Variants in LRRC53 observed in about 807,000 individuals in gnomAD.
LRRC53 encodes leucine-rich repeat-containing protein 53.
A neutral mutation model predicts 13.6 loss-of-function variants in LRRC53; 25 were observed. The observed-to-expected ratio is 1.83, with a 90% confidence interval of 1.34 to 2.56. The LOEUF is 2.56. Ranked by LOEUF, LRRC53 falls within the 30% of genes most tolerant of loss-of-function variation. The probability of loss-of-function intolerance (pLI) is 0.00; values close to 1 mark genes in which losing one functional copy is unlikely to be tolerated. For missense variants in LRRC53, 527 were observed against 275.8 expected, an observed-to-expected ratio of 1.91 and a Z score of -6.45; for synonymous variants, 204 against 109.8, an observed-to-expected ratio of 1.86 and a Z score of -5.37.
At chr1:74,494,887 G>T (rs1050342529) in intron 1 of LRRC53, among the ~76,000 whole-genome samples, 4 of 152,180 alleles carry the variant, frequency 2.6e-5, no homozygotes, top group Non-Finnish European at 5.9e-5. Context: ...GTCCAAAAAT[G>T]TAGGCAAGTC....
At chr1:74,481,044 A>G (rs1668476614) in intron 2 of LRRC53, 76 bp from the exon 3 acceptor site, 2 of 625,820 alleles carry the variant, frequency 3.2e-6, no homozygotes, top group Admixed American at 2.7e-5. Context: ...AGAGCAGAGA[A>G]TCAATATCCT....
chr1:74,470,460 A>G lies in LRRC53; in HGVS notation c.3162T>C (p.Ser1054=), dbSNP rs1258243888. Residue 1054 remains serine, a synonymous_variant, in exon 5 of 5, where the codon AGT becomes AGC. Coordinates refer to ENST00000294635, the MANE Select transcript of LRRC53 (RefSeq NM_001382280.1). ...TTGTGCTGTCAATTCCTTTTTCGCTACTATTGGTTAGGTGCCAAACGGCTT... is the reference window on the plus strand; with the variant it reads ...TTGTGCTGTCAATTCCTTTTTCGCTGCTATTGGTTAGGTGCCAAACGGCTT... ...SSQAVWHLTN[S]SEKGIDSTNA... 1.2e-5 allele frequency: 5 copies of G among 400,486 alleles called. No individual in the cohort carries two copies. The highest frequency in any genetic ancestry group is 4.1e-5 in the African/African-American group (2 of 48,642). The allele number at this position is 400,486 out of a possible 1,614,324, so 24.8% of individuals were successfully genotyped here. A position where few individuals can be genotyped will look rare whatever the true frequency, so the allele number is the denominator to read the frequency against.
At chr1:74,492,684 T>G (rs1441408848) in intron 1 of LRRC53, among the ~76,000 whole-genome samples, 2 of 152,106 alleles carry the variant, frequency 1.3e-5, no homozygotes, top group Non-Finnish European at 2.9e-5. Context: ...ACCCTAAAAT[T>G]GGAAATAGGT....
At chr1:74,528,691 C>A in the LRRC53 span, among the ~76,000 whole-genome samples, 1 of 152,216 alleles carries the variant, frequency 6.6e-6, no homozygotes, top group Non-Finnish European at 1.5e-5. Context: ...TATGCTTTGA[C>A]AGAGCAAAGT....
At chr1:74,493,120 T>C (rs1331476739) in intron 1 of LRRC53, among the ~76,000 whole-genome samples, 2 of 152,086 alleles carry the variant, frequency 1.3e-5, no homozygotes, top group Admixed American at 1.3e-4. Flanking sequence ...TTTCAACATA[T>C]GAATTTGAGG....
chr1:74,478,361 T>C (rs935151239), intron 3 of LRRC53, among the ~76,000 whole-genome samples: 2 of 152,216 alleles, frequency 1.3e-5, no homozygotes, highest in Non-Finnish European at 2.9e-5. Context: ...AAGCTCCCAG[T>C]CATTTTGACA....
At chr1:74,498,602 T>A (rs1669454574) in intron 1 of LRRC53, among the ~76,000 whole-genome samples, 1 of 152,210 alleles carries the variant, frequency 6.6e-6, no homozygotes, top group Admixed American at 6.5e-5. Context: ...GCTTTGTATT[T>A]CTGCAATTTA....
At position 74,492,524 on chromosome 1, in the gene LRRC53, G is replaced by A. The variant is rs1669133971; in HGVS notation, c.-26-9149C>T. On this transcript the variant is annotated intron_variant, in intron 1 of 4. Coordinates refer to ENST00000294635, the MANE Select transcript of LRRC53 (RefSeq NM_001382280.1). Reference sequence around the variant, plus strand: ...ACGTCTATTTCAGAGCAACAAAAGGGATTTATTAAAAGTATTCTGAAGCTA... The same window carrying A: ...ACGTCTATTTCAGAGCAACAAAAGGAATTTATTAAAAGTATTCTGAAGCTA... Among the ~76,000 whole-genome samples, 2 of 152,122 alleles carry A rather than the reference G, an allele frequency of 1.3e-5. 1 individual carries two copies. The highest frequency in any genetic ancestry group is 4.1e-4 in the South Asian group (2 of 4,826).
intron 1 of LRRC53, among the ~76,000 whole-genome samples, chr1:74,488,882 C>A (rs1271944561): frequency 1.3e-5 from 2 of 152,072 alleles, no homozygotes; most frequent in Non-Finnish European, 2.9e-5. Flanking sequence ...CACTATTATT[C>A]TTTCATTTTG....
upstream of LRRC53, among the ~76,000 whole-genome samples, chr1:74,517,382 G>A (rs191010957): frequency 1.4e-4 from 22 of 152,150 alleles, no homozygotes; most frequent in Admixed American, 7.9e-4. Context: ...AAATTTTCTG[G>A]CATTAGCTCC....
chr1:74,523,355 A>G, the LRRC53 span, among the ~76,000 whole-genome samples: 88 of 152,322 alleles, frequency 5.8e-4, no homozygotes, highest in African/African-American at 1.8e-3. Flanking sequence ...GTGTTTTTCT[A>G]TACACATATC....
rs554795337 is a variant in LRRC53, at chr1:74,490,503, C to T, written c.-26-7128G>A. 2.0e-5 allele frequency among the ~76,000 whole-genome samples: 3 copies of T among 152,302 alleles called. No homozygotes were observed. In the South Asian group the frequency reaches 6.2e-4, roughly 32 times the overall value. ...GGATCTACAAACATGATAGGATCTA[C>T]TAAACTAGCTTGTCTTATTGTAATA... is the stretch of plus-strand genomic sequence containing the variant. On this transcript the variant is annotated intron_variant, in intron 1 of 4. Coordinates refer to ENST00000294635, the MANE Select transcript of LRRC53 (RefSeq NM_001382280.1).
the LRRC53 span, among the ~76,000 whole-genome samples, chr1:74,524,265 C>A: frequency 4.6e-5 from 7 of 152,342 alleles, no homozygotes; most frequent in East Asian, 1.2e-3. Flanking sequence ...ACAGCCTGAT[C>A]TCTGCCCCAT....
At chr1:74,491,998 T>C (rs1669101852) in intron 1 of LRRC53, 7 of 1,369,234 alleles carry the variant, frequency 5.1e-6, no homozygotes, top group African/African-American at 2.9e-5. Context: ...AATTAAAATA[T>C]GGGAAACCTT....
the LRRC53 span, among the ~76,000 whole-genome samples, chr1:74,526,799 T>C: frequency 6.6e-6 from 1 of 152,154 alleles, no homozygotes; most frequent in Non-Finnish European, 1.5e-5. Flanking sequence ...GCAACACGTA[T>C]AGGACTTATC....
chr1:74,513,945 G>A (rs1646307810), upstream of LRRC53, among the ~76,000 whole-genome samples: 3 of 152,110 alleles, frequency 2.0e-5, no homozygotes, highest in South Asian at 6.2e-4. Flanking sequence ...TAGACTAAGG[G>A]GAGTAAATAA....
At chr1:74,506,194 A>G (rs1334602404) in intron 1 of LRRC53, among the ~76,000 whole-genome samples, 1 of 152,256 alleles carries the variant, frequency 6.6e-6, no homozygotes, top group Non-Finnish European at 1.5e-5. Flanking sequence ...TCTGTGACAT[A>G]GAACAGAAAT....
At chr1:74,510,531 A>C (rs1557617162) in intron 1 of LRRC53, among the ~76,000 whole-genome samples, 1 of 152,074 alleles carries the variant, frequency 6.6e-6, no homozygotes, top group Non-Finnish European at 1.5e-5. Flanking sequence ...ATGAGAAAAA[A>C]ATTATTGAGA....
At chr1:74,490,666 C>T (rs1380375029) in intron 1 of LRRC53, among the ~76,000 whole-genome samples, 1 of 152,204 alleles carries the variant, frequency 6.6e-6, no homozygotes, top group African/African-American at 2.4e-5. Context: ...TGCGCAGTTT[C>T]ATAAGACCTT....
Sources: allele counts gnomAD v4.1 joint callset (sites outside exome capture counted in the v4.1 genomes callset), GRCh38; gene constraint gnomAD v4.1.1; transcripts MANE v1.5; gene names NCBI Gene and HGNC (gene_info 2026-07-23, HGNC 2026-07-21).